The following DLST variants were observed in gnomAD, a reference collection of about 807,000 sequenced individuals.
DLST encodes dihydrolipoyllysine-residue succinyltransferase component of 2-oxoglutarate dehydrogenase complex, mitochondrial.
Under a neutral mutation model 53.1 loss-of-function variants are expected in DLST, and 17 were observed. That is an observed-to-expected ratio of 0.32 (90% confidence interval 0.22 to 0.48). DLST has a LOEUF of 0.48. DLST is among the 20% of genes least tolerant of loss of function. DLST has a pLI of 0.99. For missense variants in DLST, 512 were observed against 583.9 expected (o/e 0.88, Z 1.27); for synonymous variants, 206 against 204.8 (o/e 1.01, Z -0.05).
chr14:74,887,220 G>A (rs2140188304), intron 3 of DLST, among the ~76,000 whole-genome samples: 1 of 150,996 alleles, frequency 6.6e-6, no homozygotes, highest in South Asian at 2.1e-4. Flanking sequence ...TGAAAAGTGG[G>A]AAAAAGCAGG....
At chr14:74,883,960 C>A (rs1883619497) in intron 2 of DLST, among the ~76,000 whole-genome samples, 1 of 152,132 alleles carries the variant, frequency 6.6e-6, no homozygotes, top group Non-Finnish European at 1.5e-5. Context: ...CATTTATGCT[C>A]CGACAAGGGC....
intron 6 of DLST, 72 bp downstream of exon 6, chr14:74,890,024 C>T (rs1883847920): frequency 7.6e-7 from 1 of 1,321,208 alleles, no homozygotes; most frequent in Non-Finnish European, 1.1e-6. Flanking sequence ...GAAACAGGGA[C>T]TTAACCATTG....
At chr14:74,899,575 T>G (rs1043131155) in intron 11 of DLST, among the ~76,000 whole-genome samples, 2 of 152,176 alleles carry the variant, frequency 1.3e-5, no homozygotes, top group African/African-American at 4.8e-5. Context: ...TTGGAACATT[T>G]GTTAACCCTA....
intron 2 of DLST, 123 bp downstream of exon 2, chr14:74,882,747 G>C (rs1883570714): frequency 1.2e-6 from 1 of 841,144 alleles, no homozygotes; most frequent in Non-Finnish European, 2.0e-6. Context: ...AGAGTAGTGA[G>C]ACGCAATGCT....
intron 3 of DLST, among the ~76,000 whole-genome samples, chr14:74,887,475 C>T (rs1883747828): frequency 6.6e-6 from 1 of 152,156 alleles, no homozygotes; most frequent in Non-Finnish European, 1.5e-5. Flanking sequence ...CACCCTAATC[C>T]AGTATCTTTG....
At chr14:74,894,241 T>C (rs1884002331) in intron 9 of DLST, 71 bp from the exon 10 acceptor site, 1 of 1,575,392 alleles carries the variant, frequency 6.3e-7, no homozygotes, top group Non-Finnish European at 8.7e-7. Flanking sequence ...GCCGTGTTCT[T>C]TCTGACTACA....
In DLST at chr14:74,901,232, A is replaced by G. The variant is rs779948425; in HGVS notation, c.1226A>G (p.Lys409Arg). 6.2e-7 allele frequency: 1 copy of G among 1,613,756 alleles called. No individual in the cohort carries two copies. Among genetic ancestry groups the G allele is most frequent in the Non-Finnish European group, 8.5e-7 (1 of 1,179,866 alleles). Reference protein sequence around the residue: ...IFDRPVAIGGKVEVRPMMYVA... With the variant: ...IFDRPVAIGGRVEVRPMMYVA... ...GACAGGCCAGTGGCTATAGGAGGCAAGGTAGGAACCGTCACTTCTAAGGTC... is the reference window on the plus strand; with the variant it reads ...GACAGGCCAGTGGCTATAGGAGGCAGGGTAGGAACCGTCACTTCTAAGGTC... The change falls in exon 14 of 15, where the codon AAG becomes AGG. Residue 409 changes from lysine to arginine, a missense_variant and splice_region_variant. Physicochemically the swap from Lys to Arg is conservative, Grantham distance 26. Around this residue, in one of 4 missense-constraint regions of DLST, gnomAD observed 186 missense variants for 260.4 expected, o/e 0.71. Coordinates refer to ENST00000334220, the MANE Select transcript of DLST (RefSeq NM_001933.5).
intron 2 of DLST, among the ~76,000 whole-genome samples, chr14:74,884,037 G>T (rs1883622216): frequency 6.6e-6 from 1 of 152,210 alleles, no homozygotes; most frequent in African/African-American, 2.4e-5. Context: ...ATGTAGACCA[G>T]CTTGGGAAGG....
At chr14:74,897,886 A>G (rs1248406693) in intron 10 of DLST, among the ~76,000 whole-genome samples, 1 of 151,654 alleles carries the variant, frequency 6.6e-6, no homozygotes, top group Non-Finnish European at 1.5e-5. Flanking sequence ...AGTCTCCACT[A>G]ATCAAGAGAT....
chr14:74,885,689 A>G (rs998040193), intron 3 of DLST, 55 bp downstream of exon 3: 6 of 1,515,626 alleles, frequency 4.0e-6, no homozygotes, highest in African/African-American at 1.4e-5. Context: ...ATTTAAAGAC[A>G]TAAAGTTCTA....
In DLST at chr14:74,903,455, A is replaced by G. The variant is rs1426587481; in HGVS notation, c.*1125A>G. ...CATTTCTAAGGTGTGTTGCCCGTGG[A>G]TCTGGGCACAATCATTGGAATTCCT... On this transcript the variant is annotated 3_prime_UTR_variant, in exon 15 of 15. Transcript: ENST00000334220. 1 of 152,160 alleles carries G rather than the reference A, an allele frequency of 6.6e-6. No homozygotes were observed. The highest frequency in any genetic ancestry group is 2.4e-5 in the African/African-American group (1 of 41,416). 9.4% of individuals were successfully genotyped at this position (152,160 alleles called of 1,614,324 possible). A position where few individuals can be genotyped will look rare whatever the true frequency, so the allele number is the denominator to read the frequency against.
Position 74,902,324 on chromosome 14 carries a change from T to C in DLST, c.1356T>C (p.Asp452=), listed in dbSNP as rs751967869. The change falls in exon 15 of 15, where the codon GAT becomes GAC. Residue 452 remains aspartate (D), a synonymous_variant. Transcript: ENST00000334220. ...AVEDPRVLLL[D]L ...AGGATCCCAGAGTCCTCCTCCTGGA[T>C]CTTTAGGAGGAACCCACACACCCTA... is the stretch of plus-strand genomic sequence containing the variant. 2 of 1,610,548 alleles carry C rather than the reference T, an allele frequency of 1.2e-6. No homozygotes were observed. Among genetic ancestry groups the C allele is most frequent in the Admixed American group, 3.3e-5 (2 of 59,928 alleles).
intron 1 of DLST, 145 bp downstream of exon 1, chr14:74,882,161 C>G (rs1883541814): frequency 1.4e-6 from 1 of 694,850 alleles, no homozygotes; most frequent in South Asian, 5.4e-5. Flanking sequence ...CTGGGCGGCC[C>G]GGGGCCGTGG....
At chr14:74,886,023 T>TA (rs1429054402) in intron 3 of DLST, 1 of 171,596 alleles carries the variant, frequency 5.8e-6, no homozygotes, top group East Asian at 1.7e-4. Context: ...TACTCATTTT[T>TA]AAAAACAGTA....
rs1488959379 is a variant in DLST, at chr14:74,898,431, T to C, written c.833T>C (p.Leu278Pro). The part of the protein sequence containing the change: ...EAFLKKHNLK[L>P]GFMSAFVKAS... ...TTTTTGAAGAAACATAACCTCAAAC[T>C]AGGCTTCATGTCGGCATTTGTGAAG... The change falls in exon 11 of 15, where the codon CTA becomes CCA. Residue 278 changes from leucine to proline, a missense_variant. Leu to Pro is a moderately conservative substitution (Grantham distance 98, BLOSUM62 -3). This residue lies in a region of DLST where 186 missense variants were observed against 260.4 expected (regional missense o/e 0.71). Coordinates refer to ENST00000334220, the MANE Select transcript of DLST (RefSeq NM_001933.5). 4 of 1,613,906 alleles carry C rather than the reference T, an allele frequency of 2.5e-6. No individual in the cohort carries two copies. In the African/African-American group the frequency reaches 4.0e-5, roughly 16 times the overall value.
intron 11 of DLST, among the ~76,000 whole-genome samples, chr14:74,899,126 C>G (rs1884162641): frequency 6.6e-6 from 1 of 152,072 alleles, no homozygotes; most frequent in African/African-American, 2.4e-5. Flanking sequence ...AGCCCTAGTC[C>G]CTCCTGTTGA....
At chr14:74,900,023 G>A (rs1884192220) in intron 12 of DLST, 27 bp downstream of exon 12, 1 of 1,572,634 alleles carries the variant, frequency 6.4e-7, no homozygotes, top group Non-Finnish European at 8.7e-7. Context: ...GGTGGGGAAT[G>A]TTGGTCTTAG....
chr14:74,889,700 G>A, intron 5 of DLST, 197 bp from the exon 6 acceptor site: 1 of 588,880 alleles, frequency 1.7e-6, no homozygotes, highest in Non-Finnish European at 3.0e-6. Context: ...CACTTCTTAA[G>A]TTTAAGTGCT....
chr14:74,899,225 G>A (rs1884165934), intron 11 of DLST, among the ~76,000 whole-genome samples: 1 of 151,866 alleles, frequency 6.6e-6, no homozygotes, highest in Non-Finnish European at 1.5e-5. Flanking sequence ...CTCCCTGACT[G>A]GCTCTCATCT....
Sources: allele counts gnomAD v4.1 joint callset (sites outside exome capture counted in the v4.1 genomes callset), GRCh38; gene constraint gnomAD v4.1.1; regional missense constraint gnomAD v4.1.1; transcripts MANE v1.5; gene names NCBI Gene and HGNC (gene_info 2026-07-23, HGNC 2026-07-21).